ASCC1: variants seen among roughly 807,000 people sequenced by gnomAD.
ASCC1 encodes the protein activating signal cointegrator 1 complex subunit 1, also known as ASC-1 complex subunit P50.
ASCC1 carries 35 observed loss-of-function variants against 46.6 expected under a neutral mutation model. The ratio of observed to expected loss-of-function variants is 0.75; its 90% CI spans 0.57 to 0.99. The LOEUF (loss-of-function observed/expected upper bound fraction) is 0.99, where lower values mean the gene tolerates loss of function less well. Ranked by LOEUF, ASCC1 falls within the 50% of genes least tolerant of loss-of-function variation. The probability of loss-of-function intolerance (pLI) is 0.00; values close to 1 mark genes in which losing one functional copy is unlikely to be tolerated. For synonymous variants in ASCC1, 143 were observed against 146.6 expected (o/e 0.98, Z 0.18); for missense variants, 376 against 428.7 (o/e 0.88, Z 1.09).
intron 5 of ASCC1, among the ~76,000 whole-genome samples, chr10:72,185,439 G>T (rs763741882): frequency 2.6e-5 from 4 of 152,138 alleles, no homozygotes; most frequent in South Asian, 2.1e-4. Flanking sequence ...AATGGATAAA[G>T]TGGTACATTC....
chr10:72,103,024 G>A, intron 9 of ASCC1: 1 of 432,428 alleles, frequency 2.3e-6, no homozygotes, highest in East Asian at 7.7e-5. Context: ...TGTAGGTATT[G>A]ACAACAACAG....
chr10:72,215,268 G>T (rs745810362), intron 1 of ASCC1, among the ~76,000 whole-genome samples: 5 of 152,122 alleles, frequency 3.3e-5, no homozygotes, highest in Non-Finnish European at 5.9e-5. Context: ...GTGTGGTGGC[G>T]GGCGCCTGTA....
chr10:72,152,734 A>G, intron 7 of ASCC1, 135 bp downstream of exon 7: 1 of 1,119,660 alleles, frequency 8.9e-7, no homozygotes, highest in Non-Finnish European at 1.3e-6. Context: ...CTTACTATTA[A>G]AAAAAAAGAG....
intron 6 of ASCC1, among the ~76,000 whole-genome samples, chr10:72,158,127 C>G (rs574995556): frequency 6.6e-6 from 1 of 152,146 alleles, no homozygotes; most frequent in Non-Finnish European, 1.5e-5. Context: ...TTTCAACCCA[C>G]CCCTGAGATT....
intron 9 of ASCC1, among the ~76,000 whole-genome samples, chr10:72,110,743 C>T (rs1271304036): frequency 2.0e-5 from 3 of 152,198 alleles, no homozygotes; most frequent in South Asian, 2.1e-4. Context: ...GCTGAGATCA[C>T]GCCATTGCAC....
At chr10:72,180,994 T>G (rs984636963) in intron 5 of ASCC1, 3 of 159,036 alleles carry the variant, frequency 1.9e-5, no homozygotes, top group African/African-American at 7.2e-5. Context: ...GGAGACAGAG[T>G]CTCACTCTGT....
intron 5 of ASCC1, chr10:72,190,451 C>T: frequency 1.3e-6 from 2 of 1,598,332 alleles, no homozygotes; most frequent in Non-Finnish European, 1.7e-6. Flanking sequence ...GATGCGTGGG[C>T]TGACATCTGC....
At chr10:72,212,355 TACC>T (rs1012265154) in intron 2 of ASCC1, 1 of 157,386 alleles carries the variant, frequency 6.4e-6, no homozygotes, top group African/African-American at 2.4e-5. Flanking sequence ...AACAATACAG[TACC>T]ACAACTATTT....
intron 9 of ASCC1, among the ~76,000 whole-genome samples, chr10:72,127,326 A>C (rs1241473039): frequency 7.2e-5 from 11 of 152,222 alleles, no homozygotes; most frequent in Non-Finnish European, 2.9e-5. Context: ...CATGAATATT[A>C]CAGAAGGGTA....
chr10:72,122,973 T>C (rs1211984416), intron 9 of ASCC1, among the ~76,000 whole-genome samples: 1 of 152,156 alleles, frequency 6.6e-6, no homozygotes, highest in African/African-American at 2.4e-5. Context: ...TCTAAGCTTC[T>C]TCCTTAGGCA....
chr10:72,143,558 G>T, intron 7 of ASCC1, among the ~76,000 whole-genome samples: 2 of 148,954 alleles, frequency 1.3e-5, no homozygotes, highest in Non-Finnish European at 3.0e-5. Flanking sequence ...TTTTATCTCT[G>T]GTCAGAAAGT....
intron 6 of ASCC1, among the ~76,000 whole-genome samples, chr10:72,157,424 C>G (rs955470504): frequency 2.0e-5 from 3 of 152,178 alleles, no homozygotes; most frequent in Non-Finnish European, 4.4e-5. Flanking sequence ...GAAAGCATCA[C>G]CACACCATTG....
intron 5 of ASCC1, among the ~76,000 whole-genome samples, chr10:72,188,986 G>T (rs375571841): frequency 3.3e-5 from 5 of 151,976 alleles, no homozygotes; most frequent in African/African-American, 1.2e-4. Context: ...GAACTCCTGG[G>T]CTCAAGCAAT....
chr10:72,169,143 A>T (rs1286169910), intron 5 of ASCC1, among the ~76,000 whole-genome samples: 2 of 152,246 alleles, frequency 1.3e-5, no homozygotes, highest in African/African-American at 2.4e-5. Flanking sequence ...AGGACCTATT[A>T]TTAAATGAGA....
intron 5 of ASCC1, 150 bp downstream of exon 5, chr10:72,196,661 T>C (rs550081659): frequency 1.0e-4 from 82 of 789,356 alleles, no homozygotes; most frequent in Admixed American, 6.1e-4. Context: ...CACTTTTTTT[T>C]TCAGTTCAAT....
chr10:72,192,392 T>G (rs998262090), intron 5 of ASCC1, among the ~76,000 whole-genome samples: 3 of 149,664 alleles, frequency 2.0e-5, no homozygotes, highest in African/African-American at 7.5e-5. Context: ...GAGGCGAAGG[T>G]TGCAGTGAGC....
At chr10:72,119,532 T>G (rs1843928477) in intron 9 of ASCC1, among the ~76,000 whole-genome samples, 1 of 152,040 alleles carries the variant, frequency 6.6e-6, no homozygotes, top group Admixed American at 6.5e-5. Context: ...ACGGGGGTGA[T>G]GAGAAGCATA....
rs1393970281 is a variant in ASCC1 at position 72,179,461 on chromosome 10, A to G, written c.489+17350T>C. The stretch of plus-strand genomic sequence containing the variant: ...ATCAAAATGTCTTCAATTGTTTAAC[A>G]GGATATTTTTTTCCCATTCAAATAA... On this transcript the variant is annotated intron_variant, in intron 5 of 9. Transcript: ENST00000672957. Among the ~76,000 whole-genome samples the G allele has an allele frequency of 2.6e-5, 4 of 152,218 alleles. No individual in the cohort carries two copies. In the East Asian group the frequency reaches 7.7e-4, roughly 29 times the overall value.
chr10:72,103,760 T>A (rs539227593), intron 9 of ASCC1, among the ~76,000 whole-genome samples: 2 of 152,124 alleles, frequency 1.3e-5, no homozygotes, highest in East Asian at 1.9e-4. Flanking sequence ...TGTGAAGACA[T>A]AGAGCATAGA....
Sources: allele counts gnomAD v4.1 joint callset (sites outside exome capture counted in the v4.1 genomes callset), GRCh38; gene constraint gnomAD v4.1.1; transcripts MANE v1.5; gene names NCBI Gene and HGNC (gene_info 2026-07-23, HGNC 2026-07-21).